BTBD10: variants seen among roughly 807,000 people sequenced by gnomAD.
The protein encoded by BTBD10 is BTB domain containing 10.
Under a neutral mutation model 53.2 loss-of-function variants are expected in BTBD10, and 21 were observed. The observed-to-expected ratio is 0.39, with a 90% CI of 0.28 to 0.57. The LOEUF is 0.57. Ranked by LOEUF, BTBD10 falls within the 20% of genes least tolerant of loss-of-function variation. The pLI, the probability that BTBD10 is intolerant of heterozygous loss-of-function variation, is 0.53. For missense variants in BTBD10, 360 were observed against 594.7 expected (o/e 0.61, Z 4.10); for synonymous variants, 149 against 192.7 (o/e 0.77, Z 1.88).
intron 1 of BTBD10, among the ~76,000 whole-genome samples, chr11:13,455,135 A>C (rs1327378402): frequency 2.6e-5 from 4 of 152,064 alleles, no homozygotes; most frequent in Non-Finnish European, 5.9e-5. Context: ...CTGGTCTCGA[A>C]CTCCTGACCT....
At chr11:13,455,620 G>A (rs1003340495) in intron 1 of BTBD10, among the ~76,000 whole-genome samples, 2 of 151,904 alleles carry the variant, frequency 1.3e-5, no homozygotes, top group Non-Finnish European at 2.9e-5. Flanking sequence ...TTTCTACTAT[G>A]ACCAAAAAGT....
intron 8 of BTBD10, among the ~76,000 whole-genome samples, chr11:13,397,420 A>G (rs9734637): frequency 0.46 from 70,134 of 151,182 alleles, 17,166 homozygotes; most frequent in South Asian, 0.62. Flanking sequence ...CGTCTATTTG[A>G]TTCTTCTCTC....
rs1211777420 is a variant in BTBD10 at position 13,388,369 on chromosome 11, T to TTG, written c.*460_*461dup. ...ATACAAATTGTACTGGAGGAATACT[T>TTG]TGACAGAAGCACTTAAATTATATTG... On this transcript the variant is annotated 3_prime_UTR_variant, in exon 9 of 9. Transcript: ENST00000278174. The TTG allele has an allele frequency of 1.9e-5, 3 of 156,508 alleles. No individual in the cohort carries two copies. The highest frequency in any genetic ancestry group is 1.4e-5 in the Non-Finnish European group (1 of 70,232). The allele number at this position is 156,508 out of a possible 1,614,324, so 9.7% of individuals were successfully genotyped here.
chr11:13,419,378 T>C, intron 4 of BTBD10, 82 bp downstream of exon 4: 1 of 1,509,202 alleles, frequency 6.6e-7, no homozygotes. Context: ...CAACAGAGAA[T>C]TACTGTAAAA....
chr11:13,453,533 T>C (rs1255652009), intron 1 of BTBD10, among the ~76,000 whole-genome samples: 1 of 152,228 alleles, frequency 6.6e-6, no homozygotes, highest in African/African-American at 2.4e-5. Context: ...GATAGTGCTA[T>C]AGAAATTTTC....
chr11:13,420,369 A>G (rs1250869977), intron 3 of BTBD10, among the ~76,000 whole-genome samples: 2 of 152,046 alleles, frequency 1.3e-5, no homozygotes, highest in East Asian at 3.9e-4. Flanking sequence ...TTAGTAGCTT[A>G]TAATATATTG....
chr11:13,461,336 G>A (rs1951091110), intron 1 of BTBD10, among the ~76,000 whole-genome samples: 1 of 152,150 alleles, frequency 6.6e-6, no homozygotes, highest in African/African-American at 2.4e-5. Flanking sequence ...GAGTTCTCTT[G>A]AGAATGCTGA....
chr11:13,412,082 C>T (rs1328203704), intron 6 of BTBD10, among the ~76,000 whole-genome samples: 1 of 152,104 alleles, frequency 6.6e-6, no homozygotes. Context: ...CCGACCGCCT[C>T]TGCCTCCCAA....
chr11:13,439,836 T>C (rs1289477557), intron 2 of BTBD10: 11 of 1,405,276 alleles, frequency 7.8e-6, no homozygotes, highest in South Asian at 1.4e-5. Context: ...AATTCATATA[T>C]GTAAATAATT....
At chr11:13,462,079 A>G (rs1267364320) in intron 1 of BTBD10, among the ~76,000 whole-genome samples, 2 of 152,072 alleles carry the variant, frequency 1.3e-5, no homozygotes, top group Admixed American at 6.5e-5. Context: ...TCTAATACAG[A>G]AACTCTTTTG....
At chr11:13,417,940 T>C (rs552798113) in intron 4 of BTBD10, among the ~76,000 whole-genome samples, 2 of 152,310 alleles carry the variant, frequency 1.3e-5, no homozygotes, top group East Asian at 1.9e-4. Flanking sequence ...AGTCATGTTG[T>C]TGGCCCTTCA....
intron 8 of BTBD10, among the ~76,000 whole-genome samples, chr11:13,395,303 GCTT>G (rs1949514950): frequency 6.6e-6 from 1 of 152,118 alleles, no homozygotes; most frequent in Admixed American, 6.5e-5. Context: ...GTGATGATGA[GCTT>G]TTTTTCATGT....
In BTBD10 at chr11:13,391,535, T is replaced by C. The variant is rs550725235; in HGVS notation, c.1118-2394A>G. 2.0e-5 allele frequency among the ~76,000 whole-genome samples: 3 copies of C among 152,354 alleles called. No individual in the cohort carries two copies. In the East Asian group the frequency reaches 5.8e-4, roughly 29 times the overall value. The stretch of plus-strand genomic sequence containing the variant: ...TTTGACTTTATGAACAATTTGTTGG[T>C]GTATCCTCAGTGCCTAGCATAGTAC... On this transcript the variant is annotated intron_variant, in intron 8 of 8. Transcript: ENST00000278174.
chr11:13,395,917 T>C (rs1157723414), intron 8 of BTBD10, among the ~76,000 whole-genome samples: 1 of 152,188 alleles, frequency 6.6e-6, no homozygotes, highest in Non-Finnish European at 1.5e-5. Flanking sequence ...TTGGTACCAG[T>C]ACCATGCTGT....
In BTBD10 at chr11:13,419,571, T is replaced by G. The variant is rs1274829287; in HGVS notation, c.473A>C (p.Glu158Ala). The G allele has an allele frequency of 6.2e-7, 1 of 1,614,104 alleles. No individual in the cohort carries two copies. Among genetic ancestry groups the G allele is most frequent in the Non-Finnish European group, 8.5e-7 (1 of 1,179,968 alleles). ...TGACGTTCTTATATTCCGAGCTCCT[T>G]CTTTTGCATTTTCATATACAAACAC... ...EMVFVYENAK[E>A]GARNIRTSER... Residue 158 changes from glutamate (E) to alanine (A), a missense_variant, in exon 4 of 9, where the codon GAA becomes GCA. Glu to Ala is a moderately radical substitution (Grantham distance 107). This residue lies in a region of BTBD10 where 109 missense variants were observed against 118.6 expected (regional missense o/e 0.92). Transcript: ENST00000278174.
intron 2 of BTBD10, among the ~76,000 whole-genome samples, chr11:13,422,958 A>G (rs938379732): frequency 6.6e-6 from 1 of 152,216 alleles, no homozygotes; most frequent in Admixed American, 6.5e-5. Context: ...ACAATTCAAG[A>G]GTTATCCCAA....
At chr11:13,396,447 C>G (rs1332243513) in intron 8 of BTBD10, among the ~76,000 whole-genome samples, 1 of 152,164 alleles carries the variant, frequency 6.6e-6, no homozygotes, top group Admixed American at 6.5e-5. Context: ...TGGGCTGAGA[C>G]AATGGGGTTT....
chr11:13,457,301 T>G (rs1455121042), intron 1 of BTBD10, among the ~76,000 whole-genome samples: 2 of 152,206 alleles, frequency 1.3e-5, no homozygotes, highest in Non-Finnish European at 2.9e-5. Flanking sequence ...ACAACTCCAC[T>G]AATATTCCAT....
chr11:13,450,173 C>A (rs992338613), intron 1 of BTBD10, among the ~76,000 whole-genome samples: 17 of 152,072 alleles, frequency 1.1e-4, no homozygotes, highest in Admixed American at 6.6e-5. Flanking sequence ...CTGCCTTCAG[C>A]TACAGAGGTC....
Sources: allele counts gnomAD v4.1 joint callset (sites outside exome capture counted in the v4.1 genomes callset), GRCh38; gene constraint gnomAD v4.1.1; regional missense constraint gnomAD v4.1.1; transcripts MANE v1.5; gene names NCBI Gene and HGNC (gene_info 2026-07-23, HGNC 2026-07-21).